Variants in LDB2 observed in about 807,000 individuals in gnomAD.
LDB2 encodes the protein LIM domain binding 2, also known as LIM domain-binding protein 2.
A neutral mutation model predicts 44.3 loss-of-function variants in LDB2; 12 were observed. That is an observed-to-expected ratio of 0.27 (90% CI 0.17 to 0.44). The LOEUF (loss-of-function observed/expected upper bound fraction) is 0.44. LDB2 is among the 20% of genes least tolerant of loss of function. LDB2 has a pLI of 1.00. For missense variants in LDB2, 344 were observed against 473.5 expected, an observed-to-expected ratio of 0.73 and a Z score of 2.54; for synonymous variants, 164 against 174.8, an observed-to-expected ratio of 0.94 and a Z score of 0.49.
At chr4:16,570,830 C>G (rs1048209501) in intron 5 of LDB2, among the ~76,000 whole-genome samples, 6 of 152,076 alleles carry the variant, frequency 3.9e-5, no homozygotes, top group Non-Finnish European at 8.8e-5. Context: ...TTACTATGTG[C>G]CAGCTTTATC....
intron 1 of LDB2, among the ~76,000 whole-genome samples, chr4:16,852,366 G>C (rs1165770524): frequency 1.3e-5 from 2 of 152,158 alleles, no homozygotes; most frequent in African/African-American, 4.8e-5. Flanking sequence ...AGACAAACAG[G>C]ATGGATCTTT....
intron 2 of LDB2, among the ~76,000 whole-genome samples, chr4:16,623,811 C>T (rs1729554569): frequency 6.6e-6 from 1 of 151,576 alleles, no homozygotes; most frequent in Non-Finnish European, 1.5e-5. Context: ...ATTTAAAGAG[C>T]TTAACAGTCC....
At chr4:16,798,862 A>T (rs1328454988) in intron 1 of LDB2, among the ~76,000 whole-genome samples, 2 of 151,840 alleles carry the variant, frequency 1.3e-5, no homozygotes, top group South Asian at 2.1e-4. Context: ...TTATTTATTT[A>T]TTTTTTGAGA....
chr4:16,792,677 G>A (rs1372666554), intron 1 of LDB2, among the ~76,000 whole-genome samples: 1 of 152,150 alleles, frequency 6.6e-6, no homozygotes, highest in Non-Finnish European at 1.5e-5. Context: ...AGATAAATGT[G>A]AAAAGCTGCC....
At chr4:16,736,318 G>A (rs1326412329) in intron 2 of LDB2, among the ~76,000 whole-genome samples, 1 of 152,062 alleles carries the variant, frequency 6.6e-6, no homozygotes, top group Non-Finnish European at 1.5e-5. Flanking sequence ...TCCCAAATAG[G>A]GAAATTAGAC....
chr4:16,505,390 C>T (rs903700333), intron 7 of LDB2, among the ~76,000 whole-genome samples: 14 of 151,586 alleles, frequency 9.2e-5, no homozygotes, highest in Non-Finnish European at 1.6e-4. Context: ...TGTTTGTGTG[C>T]GTGCATAATT....
intron 2 of LDB2, among the ~76,000 whole-genome samples, chr4:16,634,266 A>T (rs1308081021): frequency 6.9e-6 from 1 of 145,206 alleles, no homozygotes; most frequent in Non-Finnish European, 1.5e-5. Flanking sequence ...GACAAATGGG[A>T]TCTAATTAAA....
intron 1 of LDB2, among the ~76,000 whole-genome samples, chr4:16,801,312 G>C (rs1020848524): frequency 6.6e-6 from 1 of 152,126 alleles, no homozygotes; most frequent in Non-Finnish European, 1.5e-5. Flanking sequence ...ACTGCACGTC[G>C]TTAGGATAGG....
At chr4:16,638,252 T>TACCC (rs1205846613) in intron 2 of LDB2, among the ~76,000 whole-genome samples, 4 of 152,174 alleles carry the variant, frequency 2.6e-5, no homozygotes, top group African/African-American at 9.7e-5. Context: ...CCCCACACTT[T>TACCC]CACTTGGTAC....
At chr4:16,506,223 G>A in intron 7 of LDB2, 1 of 432,578 alleles carries the variant, frequency 2.3e-6, no homozygotes, top group Non-Finnish European at 4.1e-6. Context: ...ATCATTTAAT[G>A]TCCATTCAAC....
At chr4:16,507,061 C>CT (rs1719754120) in intron 7 of LDB2, 1 of 152,074 alleles carries the variant, frequency 6.6e-6, no homozygotes, top group African/African-American at 2.4e-5. Context: ...TAACTTGATA[C>CT]TTTTTTAATA....
intron 2 of LDB2, among the ~76,000 whole-genome samples, chr4:16,640,327 C>T (rs1399578166): frequency 6.6e-6 from 1 of 152,158 alleles, no homozygotes; most frequent in Non-Finnish European, 1.5e-5. Flanking sequence ...ATAAGCTAGT[C>T]AGTGCAATAA....
chr4:16,721,901 T>C (rs923929711), intron 2 of LDB2, among the ~76,000 whole-genome samples: 1 of 152,190 alleles, frequency 6.6e-6, no homozygotes, highest in Non-Finnish European at 1.5e-5. Context: ...ATTCACTTTC[T>C]AAGCCACAGT....
intron 2 of LDB2, among the ~76,000 whole-genome samples, chr4:16,672,540 CT>C (rs1182404848): frequency 6.6e-6 from 1 of 152,114 alleles, no homozygotes; most frequent in Non-Finnish European, 1.5e-5. Context: ...TTAAACTATA[CT>C]ACTGGGAAAG....
intron 5 of LDB2, among the ~76,000 whole-genome samples, chr4:16,512,897 C>T (rs1160620404): frequency 6.6e-6 from 1 of 152,196 alleles, no homozygotes; most frequent in East Asian, 1.9e-4. Context: ...TTGCCTTGGA[C>T]TTTTCCGAAT....
chr4:16,745,084 G>C (rs549182840), intron 2 of LDB2, among the ~76,000 whole-genome samples: 1 of 152,226 alleles, frequency 6.6e-6, no homozygotes, highest in Admixed American at 6.5e-5. Flanking sequence ...CTGCAGGACA[G>C]GGTCGTGATT....
At chr4:16,785,977 T>C (rs1293797743) in intron 1 of LDB2, among the ~76,000 whole-genome samples, 1 of 152,164 alleles carries the variant, frequency 6.6e-6, no homozygotes, top group Non-Finnish European at 1.5e-5. Context: ...TACGATGAGA[T>C]GAGACTCTGC....
chr4:16,696,750 T>C (rs911068609), intron 2 of LDB2, among the ~76,000 whole-genome samples: 1 of 152,230 alleles, frequency 6.6e-6, no homozygotes, highest in Non-Finnish European at 1.5e-5. Context: ...ACTCATTCCA[T>C]GATGGGTCTA....
intron 1 of LDB2, among the ~76,000 whole-genome samples, chr4:16,828,407 C>T (rs1242677156): frequency 6.6e-6 from 1 of 152,170 alleles, no homozygotes; most frequent in Non-Finnish European, 1.5e-5. Context: ...CCTTCCACCT[C>T]CTCCAGTGTG....
Sources: gnomAD v4.1 joint callset for allele counts (sites outside exome capture counted in the v4.1 genomes callset) on GRCh38, gnomAD v4.1.1 for gene constraint, MANE v1.5 for transcripts, NCBI Gene and HGNC (gene_info 2026-07-23, HGNC 2026-07-21) for gene names.